The following EVC2 variants were observed in gnomAD, a reference collection of about 807,000 sequenced individuals.
EVC2 encodes the protein EvC ciliary complex subunit 2.
In EVC2, 148 loss-of-function variants were observed where a neutral mutation model predicts 149.3. The observed-to-expected ratio is 0.99, with a 90% CI of 0.87 to 1.14. The LOEUF (loss-of-function observed/expected upper bound fraction) is 1.14. Ranked by LOEUF, EVC2 falls within the 50% of genes most tolerant of loss-of-function variation. The pLI is 0.00. For synonymous variants in EVC2, 776 were observed against 649.9 expected (o/e 1.19, Z -2.95); for missense variants, 1,854 against 1,627.3 (o/e 1.14, Z -2.40).
chr4:5,645,075 A>G (rs1373593067), intron 9 of EVC2, among the ~76,000 whole-genome samples: 1 of 152,012 alleles, frequency 6.6e-6, no homozygotes, highest in Non-Finnish European at 1.5e-5. Context: ...TGTTGGTTCT[A>G]TTTTTAGTTT....
intron 6 of EVC2, among the ~76,000 whole-genome samples, chr4:5,683,281 C>A (rs900245827): frequency 6.6e-6 from 1 of 152,144 alleles, no homozygotes; most frequent in Non-Finnish European, 1.5e-5. Context: ...TGAGCTGGAG[C>A]CTGAGGCTAA....
intron 21 of EVC2, among the ~76,000 whole-genome samples, chr4:5,556,050 G>A (rs1721832125): frequency 6.6e-6 from 1 of 151,696 alleles, no homozygotes; most frequent in Admixed American, 6.6e-5. Flanking sequence ...ATGGTGGCAG[G>A]CATCTGTAAT....
intron 6 of EVC2, among the ~76,000 whole-genome samples, chr4:5,683,117 G>A (rs377544477): frequency 6.6e-6 from 1 of 152,176 alleles, no homozygotes; most frequent in Non-Finnish European, 1.5e-5. Flanking sequence ...TCAAAATACC[G>A]TAAGTCCTCT....
rs546902339 is a variant in EVC2, at chr4:5,686,146, G to A, written c.707-667C>T. 7.6e-6 allele frequency among the ~76,000 whole-genome samples: 1 copy of A among 132,318 alleles called. No individual in the cohort carries two copies. The highest frequency in any genetic ancestry group is 2.0e-4 in the East Asian group (1 of 4,888). The allele number at this position is 132,318 out of a possible 152,430, so 86.8% of individuals were successfully genotyped here. A position where few individuals can be genotyped will look rare whatever the true frequency, so the allele number is the denominator to read the frequency against. On this transcript the variant is annotated intron_variant, in intron 5 of 21. Coordinates refer to ENST00000344408, the MANE Select transcript of EVC2 (RefSeq NM_147127.5). This position sits in a 1 kb window ranked among gnomAD's most constrained non-coding sequence, Gnocchi z 5.4. ...CACACACAGAGTAAAGAAAAGAGGA[G>A]GAACGCTCACTTAGCCTAAGGAATC... is the stretch of plus-strand genomic sequence containing the variant.
chr4:5,529,997 G>A, the EVC2 span, among the ~76,000 whole-genome samples: 2 of 152,084 alleles, frequency 1.3e-5, no homozygotes, highest in South Asian at 4.2e-4. This position sits in a 1 kb window ranked among gnomAD's most constrained non-coding sequence, Gnocchi z 4.5. Context: ...TTAACTTTTA[G>A]TAGAGACGGG....
At chr4:5,656,933 A>T (rs1425692631) in intron 9 of EVC2, among the ~76,000 whole-genome samples, 1 of 152,144 alleles carries the variant, frequency 6.6e-6, no homozygotes, top group African/African-American at 2.4e-5. Context: ...CGGTACCAGG[A>T]TGAGGTCAGC....
downstream of EVC2, among the ~76,000 whole-genome samples, chr4:5,559,234 G>A (rs547592141): frequency 3.1e-4 from 47 of 152,154 alleles, no homozygotes; most frequent in South Asian, 2.7e-3. This position sits in a 1 kb window ranked among gnomAD's most constrained non-coding sequence, Gnocchi z 5.0. Context: ...AAGAAAACGG[G>A]AGAAAGCCAG....
intron 21 of EVC2, among the ~76,000 whole-genome samples, chr4:5,564,497 C>T (rs374860979): frequency 3.3e-5 from 5 of 152,186 alleles, no homozygotes; most frequent in Admixed American, 6.5e-5. Flanking sequence ...CTATGAAGCT[C>T]GGTCTCAGCA....
At chr4:5,547,146 C>A (rs1226045119) in intron 21 of EVC2, among the ~76,000 whole-genome samples, 4 of 152,260 alleles carry the variant, frequency 2.6e-5, no homozygotes, top group Admixed American at 2.6e-4. Flanking sequence ...TTGGTGCCTG[C>A]TCCGATCTCA....
rs2151738945 is a variant in EVC2, at chr4:5,696,924, A to G, written c.283+669T>C. Reference sequence around the variant, plus strand: ...ATGTGATTCCATTAAGGGCTTCGAGATGGGGAGATTGCCTGGATTATCCTG... The same window carrying G: ...ATGTGATTCCATTAAGGGCTTCGAGGTGGGGAGATTGCCTGGATTATCCTG... On this transcript the variant is annotated intron_variant, in intron 2 of 21. Transcript: ENST00000344408. This position sits in a 1 kb window ranked among gnomAD's most constrained non-coding sequence, Gnocchi z 4.1. Among the ~76,000 whole-genome samples, 1 of 152,272 alleles carries G rather than the reference A, an allele frequency of 6.6e-6. No individual in the cohort carries two copies. The highest frequency in any genetic ancestry group is 2.1e-4 in the South Asian group (1 of 4,828).
At chr4:5,692,837 G>A (rs1161937100) in intron 3 of EVC2, among the ~76,000 whole-genome samples, 2 of 130,560 alleles carry the variant, frequency 1.5e-5, no homozygotes, top group Non-Finnish European at 3.1e-5. Context: ...ACTGCAGTCC[G>A]CAGTCCGGCC....
chr4:5,689,194 C>A lies in EVC2; in HGVS notation c.669G>T (p.Ser223=). 6.2e-7 allele frequency: 1 copy of A among 1,614,212 alleles called. No homozygotes were observed. The highest frequency in any genetic ancestry group is 1.3e-5 in the African/African-American group (1 of 75,070). ...TCTTGCTAAAAGCCTGGAATCCTTCCGAGGTCCTGTTTCCCACAGAGTCCC... is the reference window on the plus strand; with the variant it reads ...TCTTGCTAAAAGCCTGGAATCCTTCAGAGGTCCTGTTTCCCACAGAGTCCC... ...TIWDSVGNRT[S]EGFQAFSKKF... is the part of the protein sequence containing the mutation. The change falls in exon 5 of 22, where the codon TCG becomes TCT. Residue 223 remains serine (S), a synonymous_variant. Coordinates refer to ENST00000344408, the MANE Select transcript of EVC2 (RefSeq NM_147127.5).
At chr4:5,574,826 T>G (rs910534488) in intron 18 of EVC2, 54 bp from the exon 19 acceptor site, 1 of 1,502,904 alleles carries the variant, frequency 6.7e-7, no homozygotes, top group African/African-American at 1.4e-5. Context: ...AGTGATACTA[T>G]GAGATCATCT....
chr4:5,577,079 C>A (rs535181538), intron 17 of EVC2, among the ~76,000 whole-genome samples: 5 of 152,208 alleles, frequency 3.3e-5, no homozygotes, highest in African/African-American at 4.8e-5. Flanking sequence ...ACTTTCCATA[C>A]GTGAATCTCA....
At chr4:5,539,104 G>A (rs1243115222), downstream of EVC2, among the ~76,000 whole-genome samples, 1 of 152,112 alleles carries the variant, frequency 6.6e-6, no homozygotes, top group Non-Finnish European at 1.5e-5. Context: ...TAGAAAGCTT[G>A]AAAGATTCAA....
At chr4:5,595,487 C>T (rs1043153082) in intron 16 of EVC2, among the ~76,000 whole-genome samples, 3 of 151,900 alleles carry the variant, frequency 2.0e-5, no homozygotes, top group African/African-American at 7.3e-5. Flanking sequence ...AAGTGAAGGA[C>T]AAATAAAATA....
chr4:5,602,061 G>T (rs1048064311), intron 16 of EVC2, among the ~76,000 whole-genome samples: 1 of 152,106 alleles, frequency 6.6e-6, no homozygotes, highest in Admixed American at 6.5e-5. Flanking sequence ...AAATGCTTGA[G>T]GCCAAGAGTT....
rs1415464810 is a variant in EVC2 at position 5,686,614 on chromosome 4, A to G, written c.707-1135T>C. ...GAGAGACAGTGACTGGCTTAGGATC[A>G]CCCCGCTGATGGACAGGGAGCCACC... On this transcript the variant is annotated intron_variant, in intron 5 of 21. Coordinates refer to ENST00000344408, the MANE Select transcript of EVC2 (RefSeq NM_147127.5). The surrounding 1 kb of genome is among the most constrained non-coding windows in gnomAD (Gnocchi z 5.4). Among the ~76,000 whole-genome samples the G allele has an allele frequency of 6.6e-6, 1 of 152,082 alleles. No individual in the cohort carries two copies. Among genetic ancestry groups the G allele is most frequent in the Non-Finnish European group, 1.5e-5 (1 of 68,020 alleles).
At position 5,568,587 on chromosome 4, in the gene EVC2, C is replaced by A; in HGVS notation, c.3414G>T (p.Thr1138=). Reference sequence around the variant, plus strand: ...GTACCACACTCAGGAGCCGGCGAAGCGTGGCCCCGGGCACCATGGCCATCC... The same window carrying A: ...GTACCACACTCAGGAGCCGGCGAAGAGTGGCCCCGGGCACCATGGCCATCC... ...LARMAMVPGA[T]LRRLLSVVLP... is the part of the protein sequence containing the mutation. The change falls in exon 20 of 22, where the codon ACG becomes ACT. Residue 1138 remains threonine, a synonymous_variant. Coordinates refer to ENST00000344408, the MANE Select transcript of EVC2 (RefSeq NM_147127.5). The A allele has an allele frequency of 1.2e-6, 2 of 1,608,464 alleles. No individual in the cohort carries two copies. Among genetic ancestry groups the A allele is most frequent in the Non-Finnish European group, 1.7e-6 (2 of 1,179,682 alleles).
Sources: gnomAD v4.1 joint callset for allele counts (sites outside exome capture counted in the v4.1 genomes callset) on GRCh38, gnomAD v4.1.1 for gene constraint, Gnocchi (gnomAD v3.1) non-coding constraint, MANE v1.5 for transcripts, NCBI Gene and HGNC (gene_info 2026-07-23, HGNC 2026-07-21) for gene names.